The following ANKS1B variants were observed in gnomAD, a reference collection of about 807,000 sequenced individuals.
ANKS1B encodes ankyrin repeat and sterile alpha motif domain containing 1B, also known as ankyrin repeat and sterile alpha motif domain-containing protein 1B.
ANKS1B carries 36 observed loss-of-function variants against 148.3 expected under a neutral mutation model. The observed-to-expected ratio is 0.24, with a 90% confidence interval of 0.19 to 0.32. The LOEUF (loss-of-function observed/expected upper bound fraction) is 0.32, where lower values mean the gene tolerates loss of function less well. Ranked by LOEUF, ANKS1B falls within the 10% of genes least tolerant of loss-of-function variation. The probability of loss-of-function intolerance (pLI) is 1.00; values close to 1 mark genes in which losing one functional copy is unlikely to be tolerated. For synonymous variants in ANKS1B, 542 were observed against 560.8 expected, an observed-to-expected ratio of 0.97 and a Z score of 0.47; for missense variants, 1,157 against 1,542.6, an observed-to-expected ratio of 0.75 and a Z score of 4.19.
At chr12:99,341,930 A>G (rs1026690855) in intron 12 of ANKS1B, among the ~76,000 whole-genome samples, 3 of 152,154 alleles carry the variant, frequency 2.0e-5, no homozygotes, top group African/African-American at 7.2e-5. Context: ...CCTTAGAAGA[A>G]TATGAGTGAC....
At chr12:99,860,747 C>A (rs2089916981) in intron 1 of ANKS1B, among the ~76,000 whole-genome samples, 1 of 152,042 alleles carries the variant, frequency 6.6e-6, no homozygotes, top group South Asian at 2.1e-4. Context: ...GGTAAAATAA[C>A]AAGATTTTAA....
At chr12:99,528,821 TGCACTC>T (rs1159823774) in intron 9 of ANKS1B, among the ~76,000 whole-genome samples, 3 of 152,196 alleles carry the variant, frequency 2.0e-5, no homozygotes, top group Admixed American at 6.5e-5. Flanking sequence ...GAAAAAAGTA[TGCACTC>T]AAATTATATA....
chr12:99,854,097 C>T (rs935285513), intron 1 of ANKS1B, among the ~76,000 whole-genome samples: 5 of 152,148 alleles, frequency 3.3e-5, no homozygotes, highest in African/African-American at 7.2e-5. Context: ...GTGCAAGCTC[C>T]GCCTCCTGGG....
At chr12:99,600,832 T>A (rs1204541425) in intron 9 of ANKS1B, among the ~76,000 whole-genome samples, 1 of 152,112 alleles carries the variant, frequency 6.6e-6, no homozygotes, top group Non-Finnish European at 1.5e-5. Flanking sequence ...ACTATTTTTA[T>A]CTCTTTTGTT....
intron 17 of ANKS1B, among the ~76,000 whole-genome samples, chr12:99,040,416 A>G (rs1314666590): frequency 2.0e-5 from 3 of 152,156 alleles, no homozygotes; most frequent in African/African-American, 7.2e-5. Flanking sequence ...TTCCTAAGTC[A>G]GCCATCCTGA....
chr12:99,043,092 G>T (rs2099960140), intron 17 of ANKS1B, among the ~76,000 whole-genome samples: 1 of 152,118 alleles, frequency 6.6e-6, no homozygotes, highest in African/African-American at 2.4e-5. Flanking sequence ...TGAGGGTAAA[G>T]ACTAAAATAC....
At chr12:99,816,065 T>C (rs1047807040) in intron 2 of ANKS1B, among the ~76,000 whole-genome samples, 2 of 151,848 alleles carry the variant, frequency 1.3e-5, no homozygotes, top group African/African-American at 4.8e-5. Context: ...TCCATACTGT[T>C]TTCTATAGCA....
chr12:98,862,619 T>G (rs1001584719), intron 17 of ANKS1B, among the ~76,000 whole-genome samples: 3 of 152,198 alleles, frequency 2.0e-5, no homozygotes, highest in Non-Finnish European at 4.4e-5. Flanking sequence ...GCTCAAATAA[T>G]GTAACTTAGC....
At chr12:99,093,048 G>GTTTA (rs1488970621) in intron 15 of ANKS1B, among the ~76,000 whole-genome samples, 1 of 152,076 alleles carries the variant, frequency 6.6e-6, no homozygotes, top group African/African-American at 2.4e-5. Flanking sequence ...AGAACCAAAT[G>GTTTA]TTTAGTAGGG....
intron 17 of ANKS1B, among the ~76,000 whole-genome samples, chr12:98,877,342 A>G (rs950345449): frequency 2.6e-5 from 4 of 152,246 alleles, no homozygotes; most frequent in African/African-American, 9.6e-5. Context: ...CAACATTACC[A>G]GCTTGACTCT....
At chr12:99,876,994 G>A (rs1176323867) in intron 1 of ANKS1B, among the ~76,000 whole-genome samples, 1 of 152,076 alleles carries the variant, frequency 6.6e-6, no homozygotes, top group Non-Finnish European at 1.5e-5. Context: ...TTTAGCTGCT[G>A]CTTCTGGCAT....
intron 15 of ANKS1B, among the ~76,000 whole-genome samples, chr12:99,086,897 C>T (rs1188129146): frequency 6.6e-6 from 1 of 152,108 alleles, no homozygotes; most frequent in African/African-American, 2.4e-5. Context: ...CCATTAGACA[C>T]TCAAAGCAAA....
chr12:99,223,334 G>T (rs1253692969), intron 14 of ANKS1B, among the ~76,000 whole-genome samples: 1 of 152,150 alleles, frequency 6.6e-6, no homozygotes, highest in Non-Finnish European at 1.5e-5. Context: ...GATGATTCAA[G>T]CACATTACAT....
chr12:99,086,521 G>T (rs1230990251), intron 15 of ANKS1B, among the ~76,000 whole-genome samples: 1 of 152,138 alleles, frequency 6.6e-6, no homozygotes, highest in Non-Finnish European at 1.5e-5. Flanking sequence ...TACATGCTGA[G>T]ATTCCAAATT....
At chr12:99,690,573 C>G (rs540181688) in intron 8 of ANKS1B, among the ~76,000 whole-genome samples, 1 of 152,182 alleles carries the variant, frequency 6.6e-6, no homozygotes, top group Non-Finnish European at 1.5e-5. Context: ...AGTCTGAAAT[C>G]CAATGGGGCA....
chr12:99,926,375 C>A (rs2094477728), intron 1 of ANKS1B, among the ~76,000 whole-genome samples: 1 of 152,166 alleles, frequency 6.6e-6, no homozygotes, highest in African/African-American at 2.4e-5. Flanking sequence ...AGGCTGCCCT[C>A]CCTAACATGG....
At chr12:99,175,871 G>A (rs375443759) in intron 14 of ANKS1B, among the ~76,000 whole-genome samples, 2 of 152,074 alleles carry the variant, frequency 1.3e-5, no homozygotes, top group South Asian at 2.1e-4. Flanking sequence ...TTTTGAGACC[G>A]AGTCCTGCTC....
chr12:99,700,598 T>C (rs2054647872), intron 8 of ANKS1B, among the ~76,000 whole-genome samples: 1 of 152,154 alleles, frequency 6.6e-6, no homozygotes, highest in African/African-American at 2.4e-5. Context: ...TAATATTTTT[T>C]TTCTTTATTG....
chr12:99,413,899 C>G (rs2094804738), intron 11 of ANKS1B, among the ~76,000 whole-genome samples: 1 of 152,108 alleles, frequency 6.6e-6, no homozygotes, highest in Non-Finnish European at 1.5e-5. Context: ...AGCTCCATAA[C>G]AAGGGCCCTC....
Sources: gnomAD v4.1 joint callset for allele counts (sites outside exome capture counted in the v4.1 genomes callset) on GRCh38, gnomAD v4.1.1 for gene constraint, MANE v1.5 for transcripts, NCBI Gene and HGNC (gene_info 2026-07-23, HGNC 2026-07-21) for gene names.